ABCA12: variants seen among roughly 807,000 people sequenced by gnomAD.
The protein encoded by ABCA12 is ATP binding cassette subfamily A member 12.
ABCA12 carries 156 observed loss-of-function variants against 293.5 expected under a neutral mutation model. That is an observed-to-expected ratio of 0.53 (90% CI 0.47 to 0.61). The LOEUF is 0.61. ABCA12 is among the 20% of genes least tolerant of loss of function. ABCA12 has a pLI of 0.00. For synonymous variants in ABCA12, 1,063 were observed against 1,108.0 expected (o/e 0.96, Z 0.81); for missense variants, 2,797 against 3,090.2 (o/e 0.91, Z 2.25).
At chr2:215,031,940 C>T in intron 8 of ABCA12, 44 bp from the exon 9 acceptor site, 3 of 1,611,230 alleles carry the variant, frequency 1.9e-6, no homozygotes, top group African/African-American at 1.3e-5. Flanking sequence ...AACATGTTTG[C>T]TTAAAGATTT....
At chr2:215,108,817 C>T (rs1161128564) in intron 2 of ABCA12, among the ~76,000 whole-genome samples, 1 of 152,134 alleles carries the variant, frequency 6.6e-6, no homozygotes, top group African/African-American at 2.4e-5. Flanking sequence ...TGCCTGTAAT[C>T]CCAGCATTTT....
chr2:214,966,337 G>T (rs1396954565), intron 39 of ABCA12, among the ~76,000 whole-genome samples: 1 of 152,050 alleles, frequency 6.6e-6, no homozygotes, highest in Non-Finnish European at 1.5e-5. Flanking sequence ...AACCACCATG[G>T]CACATGTTTA....
At chr2:215,009,581 TCA>T (rs1160500242) in intron 18 of ABCA12, among the ~76,000 whole-genome samples, 2 of 152,188 alleles carry the variant, frequency 1.3e-5, no homozygotes, top group Admixed American at 6.6e-5. Flanking sequence ...AGGTATTAAA[TCA>T]CAGTTTTTAT....
chr2:214,941,323 G>A (rs572309854), intron 50 of ABCA12, among the ~76,000 whole-genome samples: 77 of 152,308 alleles, frequency 5.1e-4, no homozygotes, highest in African/African-American at 1.8e-3. Context: ...GAGGCTGTTT[G>A]TTATGATTTC....
intron 17 of ABCA12, 104 bp from the exon 18 acceptor site, chr2:215,010,574 G>A: frequency 1.6e-6 from 2 of 1,251,894 alleles, no homozygotes; most frequent in South Asian, 2.6e-5. Flanking sequence ...AAAAATACAT[G>A]CTCTAGTACT....
Position 215,049,750 on chromosome 2 carries a change from C to T in ABCA12, c.569G>A (p.Gly190Glu), listed in dbSNP as rs1357408923. The change falls in exon 6 of 53, where the codon GGA becomes GAA. Residue 190 changes from glycine (G) to glutamate (E), a missense_variant. Physicochemically the swap from Gly to Glu is moderately conservative, Grantham distance 98. Transcript: ENST00000272895. ...AGAGAAGGCATCATCCACAATGTATCCTGAATAGCTGTCACATAGTTCTCT... is the reference window on the plus strand; with the variant it reads ...AGAGAAGGCATCATCCACAATGTATTCTGAATAGCTGTCACATAGTTCTCT... ...IRRELCDSYS[G>E]YIVDDAFSWT... 6.2e-7 allele frequency: 1 copy of T among 1,613,526 alleles called. No homozygotes were observed. The highest frequency in any genetic ancestry group is 8.5e-7 in the Non-Finnish European group (1 of 1,179,778).
chr2:215,121,129 G>T (rs888118556), intron 1 of ABCA12, among the ~76,000 whole-genome samples: 1 of 152,144 alleles, frequency 6.6e-6, no homozygotes, highest in African/African-American at 2.4e-5. Context: ...GGGAAGACAG[G>T]ATCTTAAAGT....
intron 22 of ABCA12, among the ~76,000 whole-genome samples, chr2:214,998,697 C>G (rs1181411215): frequency 6.6e-6 from 1 of 152,006 alleles, no homozygotes; most frequent in African/African-American, 2.4e-5. Context: ...GTTTCTGGGC[C>G]CCAGCCTCTG....
At chr2:214,934,731 C>T (rs950380714) in intron 51 of ABCA12, among the ~76,000 whole-genome samples, 4 of 152,138 alleles carry the variant, frequency 2.6e-5, no homozygotes, top group South Asian at 2.1e-4. Context: ...TTCTTTATTT[C>T]GGTCACCAGT....
chr2:215,058,507 A>T (rs187480024), intron 3 of ABCA12, among the ~76,000 whole-genome samples: 1 of 152,044 alleles, frequency 6.6e-6, no homozygotes, highest in Non-Finnish European at 1.5e-5. Flanking sequence ...CAGAGACTCT[A>T]TCTCATACTG....
intron 2 of ABCA12, among the ~76,000 whole-genome samples, chr2:215,099,938 T>C (rs1416763257): frequency 3.9e-5 from 6 of 152,022 alleles, no homozygotes; most frequent in Non-Finnish European, 2.9e-5. Flanking sequence ...ATGTTTCCAT[T>C]ACTACAGGAT....
chr2:214,953,847 T>C lies in ABCA12; in HGVS notation c.6647+7A>G. ...GATGTCAAACGTTATGTTTTCATTA[T>C]ATTTACCTGAGTTTCTTTATCAGGG... On this transcript the variant is annotated splice_region_variant and intron_variant, in intron 44 of 52. Transcript: ENST00000272895. 6.2e-7 allele frequency: 1 copy of C among 1,613,168 alleles called. No individual in the cohort carries two copies. The highest frequency in any genetic ancestry group is 2.2e-5 in the East Asian group (1 of 44,802).
chr2:214,992,603 T>G (rs1213751769), intron 23 of ABCA12, among the ~76,000 whole-genome samples: 1 of 135,362 alleles, frequency 7.4e-6, no homozygotes, highest in African/African-American at 2.8e-5. Flanking sequence ...GACTCACACC[T>G]GTAATCCCAG....
At chr2:215,087,807 G>C (rs972383067) in intron 2 of ABCA12, among the ~76,000 whole-genome samples, 2 of 152,110 alleles carry the variant, frequency 1.3e-5, no homozygotes, top group Non-Finnish European at 2.9e-5. Context: ...ATAAATGTAA[G>C]AAAACCCTTG....
At position 214,949,043 on chromosome 2, in the gene ABCA12, G is replaced by A. The variant is rs906035696; in HGVS notation, c.6959C>T (p.Thr2320Ile). 1 of 1,610,800 alleles carries A rather than the reference G, an allele frequency of 6.2e-7. No individual in the cohort carries two copies. Residue 2320 changes from threonine (T) to isoleucine (I), a missense_variant, in exon 46 of 53, where the codon ACC becomes ATC. Thr to Ile is a moderately conservative substitution (Grantham distance 89, BLOSUM62 -1). Around this residue, in one of 3 missense-constraint regions of ABCA12, gnomAD observed 2,130 missense variants for 2,427.0 expected, o/e 0.88. Transcript: ENST00000272895. ...TTGAAGCATTAGTTTTTCATACCCG[G>A]TCTTATTTCTGATCAGAATGTTTCC... ...SSGNILIRNK[T>I]GSLGHVDSHS...
Position 215,019,776 on chromosome 2 carries a change from C to A in ABCA12, c.1308G>T (p.Leu436Phe). The change falls in exon 12 of 53, where the codon TTG becomes TTT. Residue 436 changes from leucine to phenylalanine, a missense_variant. By Grantham distance (22) the Leu-to-Phe change is conservative (BLOSUM62 0). This residue lies in a region of ABCA12 where 656 missense variants were observed against 638.2 expected (regional missense o/e 1.03). Transcript: ENST00000272895. ...TTTCAGATTCACAAAGAAGTTCGGT[C>A]AAGTTTCGAAGTTGAGACAGCTTTC... The part of the protein sequence containing the change: ...LKSKLSQLRN[L>F]TELLCESETF... The A allele has an allele frequency of 1.2e-6, 2 of 1,612,808 alleles. No homozygotes were observed. The highest frequency in any genetic ancestry group is 2.2e-5 in the South Asian group (2 of 91,036).
At chr2:215,000,092 C>T (rs990866124) in intron 22 of ABCA12, among the ~76,000 whole-genome samples, 7 of 152,140 alleles carry the variant, frequency 4.6e-5, no homozygotes, top group Non-Finnish European at 1.0e-4. Flanking sequence ...GCAGATTTCT[C>T]GAACATTCAA....
At position 215,133,947 on chromosome 2, in the gene ABCA12, T is replaced by G. The variant is rs148663777; in HGVS notation, c.69+4193A>C. Among the ~76,000 whole-genome samples the G allele has an allele frequency of 6.2e-3, 938 of 152,228 alleles. 8 individuals are homozygous for G. The highest frequency in any genetic ancestry group is 0.02 in the African/African-American group (835 of 41,556). Reference sequence around the variant, plus strand: ...CTTGAAGAAATCTGACTTTGAGCTTTAAATTTGCTGTGTGACCTTGGACAA... The same window carrying G: ...CTTGAAGAAATCTGACTTTGAGCTTGAAATTTGCTGTGTGACCTTGGACAA... On this transcript the variant is annotated intron_variant, in intron 1 of 52. Coordinates refer to ENST00000272895, the MANE Select transcript of ABCA12 (RefSeq NM_173076.3).
chr2:215,138,264 A>G lies in ABCA12; in HGVS notation c.-56T>C. The G allele has an allele frequency of 1.9e-6, 3 of 1,578,614 alleles. No homozygotes were observed. Among genetic ancestry groups the G allele is most frequent in the Non-Finnish European group, 2.6e-6 (3 of 1,147,720 alleles). On this transcript the variant is annotated 5_prime_UTR_variant, in exon 1 of 53. Transcript: ENST00000272895. ...CTTCTTTTCTCCACTCCACAAATGA[A>G]GAACTGATGCCCCGTCCAACTTGCT...
Sources: allele counts gnomAD v4.1 joint callset (sites outside exome capture counted in the v4.1 genomes callset), GRCh38; gene constraint gnomAD v4.1.1; regional missense constraint gnomAD v4.1.1; transcripts MANE v1.5; gene names NCBI Gene and HGNC (gene_info 2026-07-23, HGNC 2026-07-21).